ABCA4: variants seen among roughly 807,000 people sequenced by gnomAD.
ABCA4 encodes retinal-specific phospholipid-transporting ATPase ABCA4.
A neutral mutation model predicts 263.7 loss-of-function variants in ABCA4; 196 were observed. The ratio of observed to expected loss-of-function variants is 0.74; its 90% CI spans 0.66 to 0.84. The LOEUF (loss-of-function observed/expected upper bound fraction) is 0.84. Ranked by LOEUF, ABCA4 falls within the 40% of genes least tolerant of loss-of-function variation. The probability of loss-of-function intolerance (pLI) is 0.00; values close to 1 mark genes in which losing one functional copy is unlikely to be tolerated. For missense variants in ABCA4, 2,792 were observed against 2,855.1 expected, an observed-to-expected ratio of 0.98 and a Z score of 0.50; for synonymous variants, 1,133 against 1,094.2, an observed-to-expected ratio of 1.04 and a Z score of -0.70.
chr1:94,042,814 A>G lies in ABCA4; in HGVS notation c.3275T>C (p.Val1092Ala), dbSNP rs761290184. 1.2e-6 allele frequency: 2 copies of G among 1,614,108 alleles called. No homozygotes were observed. Among genetic ancestry groups the G allele is most frequent in the South Asian group, 2.2e-5 (2 of 91,076 alleles). The change falls in exon 22 of 50, where the codon GTG (valine) becomes GCG (alanine). Residue 1092 changes from valine to alanine, a missense_variant. Transcript: ENST00000370225. Reference protein sequence around the residue: ...VVILDEPTSGVDPYSRRSIWD... With the variant: ...VVILDEPTSGADPYSRRSIWD... ...GATTGAGCGTCTCGAGTAAGGGTCC[A>G]CCCCAGAGGTGGGTTCGTCCAGAAT...
At position 94,041,368 on chromosome 1, in the gene ABCA4, G is replaced by A. The variant is rs146117512; in HGVS notation, c.3363C>T (p.Asp1121=). 3.3e-4 allele frequency: 529 copies of A among 1,613,954 alleles called. No homozygotes were observed. Among genetic ancestry groups the A allele is most frequent in the Non-Finnish European group, 4.2e-4 (501 of 1,180,036 alleles). The change falls in exon 23 of 50, where the codon GAC becomes GAT. Residue 1121 remains aspartate (D), a synonymous_variant. Coordinates refer to ENST00000370225, the MANE Select transcript of ABCA4 (RefSeq NM_000350.3). Reference sequence around the variant, plus strand: ...TGCGGTCCCCAAGGAGGTCGGCCTCGTCCATGTGGTGAGTGGACATGATGA... The same window carrying A: ...TGCGGTCCCCAAGGAGGTCGGCCTCATCCATGTGGTGAGTGGACATGATGA... The part of the protein sequence containing the change: ...RTIIMSTHHM[D]EADLLGDRIA...
chr1:94,118,615 T>C (rs1049684881), intron 1 of ABCA4, among the ~76,000 whole-genome samples: 4 of 152,112 alleles, frequency 2.6e-5, no homozygotes, highest in Non-Finnish European at 5.9e-5. Context: ...TGGGGAGCCA[T>C]CGGGAGGCGT....
At chr1:94,089,807 A>G (rs1036748254) in intron 6 of ABCA4, among the ~76,000 whole-genome samples, 5 of 152,218 alleles carry the variant, frequency 3.3e-5, no homozygotes, top group African/African-American at 1.2e-4. Context: ...ATAAATCACC[A>G]AACTTCAAAA....
chr1:94,099,120 G>A, intron 5 of ABCA4, 129 bp from the exon 6 acceptor site: 2 of 1,048,218 alleles, frequency 1.9e-6, no homozygotes, highest in African/African-American at 3.2e-5. Flanking sequence ...TGGGATTAAA[G>A]CCACTGATTA....
Position 94,108,318 on chromosome 1 carries a change from C to T in ABCA4, c.442+259G>A, listed in dbSNP as rs576278110. 3.9e-5 allele frequency among the ~76,000 whole-genome samples: 6 copies of T among 152,262 alleles called. No homozygotes were observed. In the South Asian group the frequency reaches 1.2e-3, roughly 32 times the overall value. ...CCTAGCCTCATACTTCCCATAGTGC[C>T]ATCTCTCTTAGCATTCTTTCTGTCT... On this transcript the variant is annotated intron_variant, in intron 4 of 49. Coordinates refer to ENST00000370225, the MANE Select transcript of ABCA4 (RefSeq NM_000350.3).
intron 16 of ABCA4, 71 bp from the exon 17 acceptor site, chr1:94,051,769 A>T: frequency 8.5e-7 from 1 of 1,174,602 alleles, no homozygotes; most frequent in South Asian, 1.3e-5. Flanking sequence ...CAGTTCTATA[A>T]GATCTAGAGT....
In ABCA4 at chr1:94,090,047, T is replaced by C. The variant is rs371977317; in HGVS notation, c.769-6606A>G. Among the ~76,000 whole-genome samples, 43 of 152,192 alleles carry C rather than the reference T, an allele frequency of 2.8e-4. 2 individuals are homozygous for C. The highest frequency in any genetic ancestry group is 1.0e-3 in the African/African-American group (42 of 41,532). On this transcript the variant is annotated intron_variant, in intron 6 of 49. Transcript: ENST00000370225. ...ACTCCCACACCCACACTCACTCACGTTGGAATCATGCAGACACACCGTTTC... is the reference window on the plus strand; with the variant it reads ...ACTCCCACACCCACACTCACTCACGCTGGAATCATGCAGACACACCGTTTC...
Position 94,098,822 on chromosome 1 carries a change from T to A in ABCA4, c.740A>T (p.Asn247Ile), listed in dbSNP as rs62645950. 6.2e-7 allele frequency: 1 copy of A among 1,614,166 alleles called. No individual in the cohort carries two copies. Among genetic ancestry groups the A allele is most frequent in the Non-Finnish European group, 8.5e-7 (1 of 1,180,018 alleles). The change falls in exon 6 of 50, where the codon AAC becomes ATC. Residue 247 changes from asparagine to isoleucine, a missense_variant. Physicochemically the swap from Asn to Ile is moderately radical, Grantham distance 149 (BLOSUM62 -3). Coordinates refer to ENST00000370225, the MANE Select transcript of ABCA4 (RefSeq NM_000350.3). ...LQWIEDTLYA[N>I]VDFFKLFRVL... Reference sequence around the variant, plus strand: ...ACGGAAGAGCTTGAAGAAGTCCACGTTGGCATACAGAGTGTCTTCTATCCA... The same window carrying A: ...ACGGAAGAGCTTGAAGAAGTCCACGATGGCATACAGAGTGTCTTCTATCCA...
chr1:94,115,612 G>C (rs1029476073), intron 1 of ABCA4, among the ~76,000 whole-genome samples: 2 of 152,172 alleles, frequency 1.3e-5, no homozygotes, highest in Admixed American at 1.3e-4. Context: ...TCTGTGAAAT[G>C]GATGTGATAC....
At chr1:94,023,308 T>G (rs886940719) in intron 32 of ABCA4, 78 bp downstream of exon 32, 1 of 1,223,842 alleles carries the variant, frequency 8.2e-7, no homozygotes. Flanking sequence ...GGCTGTGAGG[T>G]GTGCCTTTTA....
intron 29 of ABCA4, 72 bp from the exon 30 acceptor site, chr1:94,029,703 G>T: frequency 7.0e-7 from 1 of 1,425,244 alleles, no homozygotes; most frequent in Non-Finnish European, 9.7e-7. Context: ...ATAAGAAATT[G>T]TGCCCAACCC....
rs562649500 is a variant in ABCA4 at position 94,072,985 on chromosome 1, G to A, written c.1554+4705C>T. ...GGTGGTTAGGCCGCCCTCCTGGGAG[G>A]GGCCTGTACTCTCTGCTCAGAACCC... On this transcript the variant is annotated intron_variant, in intron 11 of 49. Coordinates refer to ENST00000370225, the MANE Select transcript of ABCA4 (RefSeq NM_000350.3). Among the ~76,000 whole-genome samples the A allele has an allele frequency of 3.9e-5, 6 of 152,212 alleles. No individual in the cohort carries two copies. In the East Asian group the frequency reaches 9.7e-4, roughly 25 times the overall value.
intron 1 of ABCA4, among the ~76,000 whole-genome samples, chr1:94,119,568 C>T (rs1354970535): frequency 6.6e-6 from 1 of 152,178 alleles, no homozygotes; most frequent in Non-Finnish European, 1.5e-5. Flanking sequence ...CAGCAGCCTC[C>T]ATGCACGCCT....
At chr1:94,043,549 T>G in intron 20 of ABCA4, 74 bp from the exon 21 acceptor site, 1 of 1,589,502 alleles carries the variant, frequency 6.3e-7, no homozygotes, top group Non-Finnish European at 8.6e-7. Flanking sequence ...ACAGAAATAA[T>G]TGAGGACAAG....
rs758835368 is a variant in ABCA4 at position 94,029,621 on chromosome 1, A to G, written c.4363T>C (p.Cys1455Arg). The G allele has an allele frequency of 2.3e-5, 37 of 1,613,514 alleles. No homozygotes were observed. The highest frequency in any genetic ancestry group is 2.9e-5 in the Non-Finnish European group (34 of 1,179,810). Residue 1455 changes from cysteine to arginine, a missense_variant, in exon 30 of 50, where the codon TGT (cysteine) becomes CGT (arginine). By Grantham distance (180) the Cys-to-Arg change is radical (BLOSUM62 -3). Transcript: ENST00000370225. Reference sequence around the variant, plus strand: ...GTCTTCCAGGGTGTTGAGTTGCCACAGGGGTACTCCCTCATGGAAGACAAG... The same window carrying G: ...GTCTTCCAGGGTGTTGAGTTGCCACGGGGGTACTCCCTCATGGAAGACAAG... Reference protein sequence around the residue: ...LKEGWLPEYPCGNSTPWKTPS... With the variant: ...LKEGWLPEYPRGNSTPWKTPS...
At chr1:94,036,332 A>G (rs571584850) in intron 26 of ABCA4, among the ~76,000 whole-genome samples, 95 of 150,250 alleles carry the variant, frequency 6.3e-4, no homozygotes, top group African/African-American at 2.1e-3. Context: ...GTCAGATACT[A>G]TGGAGGAGTA....
At position 94,030,467 on chromosome 1, in the gene ABCA4, G is replaced by T. The variant is rs774582644; in HGVS notation, c.4313C>A (p.Pro1438Gln). 1 of 1,614,248 alleles carries T rather than the reference G, an allele frequency of 6.2e-7. No individual in the cohort carries two copies. Among genetic ancestry groups the T allele is most frequent in the Admixed American group, 1.7e-5 (1 of 60,036 alleles). Reference sequence around the variant, plus strand: ...CTTCAGGCAGCGGTTGCCAAAGCCTGGCTTATTCAGGAGGACGTCTGCAAG... The same window carrying T: ...CTTCAGGCAGCGGTTGCCAAAGCCTTGCTTATTCAGGAGGACGTCTGCAAG... ...TVLADVLLNK[P>Q]GFGNRCLKEG... Residue 1438 changes from proline to glutamine, a missense_variant, in exon 29 of 50, where the codon CCA (proline) becomes CAA (glutamine). Physicochemically the swap from Pro to Gln is moderately conservative, Grantham distance 76. Coordinates refer to ENST00000370225, the MANE Select transcript of ABCA4 (RefSeq NM_000350.3).
At chr1:94,015,571 G>A (rs1229502252) in intron 37 of ABCA4, among the ~76,000 whole-genome samples, 168 bp downstream of exon 37, 1 of 152,208 alleles carries the variant, frequency 6.6e-6, no homozygotes, top group African/African-American at 2.4e-5. Context: ...AGAATCAGAA[G>A]CCAGACAGAT....
At chr1:93,998,999 C>T (rs938463494) in intron 47 of ABCA4, among the ~76,000 whole-genome samples, 1 of 151,118 alleles carries the variant, frequency 6.6e-6, no homozygotes, top group Non-Finnish European at 1.5e-5. Flanking sequence ...GATCCGCCCG[C>T]CTTGGCCTCC....
Sources: allele counts gnomAD v4.1 joint callset (sites outside exome capture counted in the v4.1 genomes callset), GRCh38; gene constraint gnomAD v4.1.1; transcripts MANE v1.5; gene names NCBI Gene and HGNC (gene_info 2026-07-23, HGNC 2026-07-21).